Variants in PHACTR1 observed in about 807,000 individuals in gnomAD.
PHACTR1 encodes phosphatase and actin regulator 1, also known as RPEL repeat containing 1.
PHACTR1 carries 16 observed loss-of-function variants against 69.2 expected under a neutral mutation model. The observed-to-expected ratio is 0.23, with a 90% CI of 0.16 to 0.35. The LOEUF (loss-of-function observed/expected upper bound fraction) is 0.35. PHACTR1 is among the 10% of genes least tolerant of loss of function. The probability of loss-of-function intolerance (pLI) is 1.00; values close to 1 mark genes in which losing one functional copy is unlikely to be tolerated. For synonymous variants in PHACTR1, 312 were observed against 284.5 expected, an observed-to-expected ratio of 1.10 and a Z score of -0.97; for missense variants, 510 against 734.7, an observed-to-expected ratio of 0.69 and a Z score of 3.54.
At chr6:12,944,760 T>TATTG (rs1790428451) in intron 4 of PHACTR1, among the ~76,000 whole-genome samples, 2 of 120,054 alleles carry the variant, frequency 1.7e-5, no homozygotes, top group Non-Finnish European at 3.5e-5. Flanking sequence ...TTGAATTATT[T>TATTG]ATTTATTTAT....
intron 5 of PHACTR1, among the ~76,000 whole-genome samples, chr6:13,100,856 A>T (rs1815044068): frequency 6.6e-6 from 1 of 152,194 alleles, no homozygotes; most frequent in African/African-American, 2.4e-5. Flanking sequence ...TAAAGAGAAG[A>T]GGTGACCAGG....
intron 5 of PHACTR1, among the ~76,000 whole-genome samples, chr6:13,133,199 GCCTCCCCCTCCCCCTCCCCCTCCC>G (rs1221176075): frequency 3.1e-4 from 8 of 25,448 alleles, no homozygotes; most frequent in Non-Finnish European, 5.6e-4. Flanking sequence ...AATCTATTTG[GCCTCCCCCTCCCCCTCCCCCTCCC>G]CCTCCCCCTC....
At chr6:12,993,882 T>C (rs545234184) in intron 4 of PHACTR1, among the ~76,000 whole-genome samples, 9 of 152,198 alleles carry the variant, frequency 5.9e-5, no homozygotes, top group African/African-American at 2.2e-4. Flanking sequence ...TGGAAAAGCA[T>C]CCTGTTAAGT....
At chr6:13,105,889 A>C (rs958868228) in intron 5 of PHACTR1, among the ~76,000 whole-genome samples, 5 of 152,210 alleles carry the variant, frequency 3.3e-5, no homozygotes, top group Non-Finnish European at 1.5e-5. Context: ...ATAAAAGGGT[A>C]ACAGGGAGTG....
chr6:13,076,201 A>G (rs1358141982), intron 5 of PHACTR1, among the ~76,000 whole-genome samples: 3 of 152,180 alleles, frequency 2.0e-5, no homozygotes, highest in Non-Finnish European at 2.9e-5. Context: ...CACACTGAGC[A>G]CACACTAATG....
intron 7 of PHACTR1, among the ~76,000 whole-genome samples, chr6:13,195,412 G>A (rs931294267): frequency 1.3e-5 from 2 of 152,164 alleles, no homozygotes; most frequent in African/African-American, 4.8e-5. Flanking sequence ...ACAAGTAACT[G>A]CCGATACAGC....
intron 10 of PHACTR1, among the ~76,000 whole-genome samples, chr6:13,269,292 C>G (rs1777277675): frequency 6.6e-6 from 1 of 152,186 alleles, no homozygotes; most frequent in Admixed American, 6.5e-5. Context: ...AATAAACTGG[C>G]AGGTGAGAAA....
At chr6:13,171,018 T>C (rs1042741817) in intron 6 of PHACTR1, among the ~76,000 whole-genome samples, 9 of 152,172 alleles carry the variant, frequency 5.9e-5, no homozygotes, top group African/African-American at 2.2e-4. Flanking sequence ...CGTTTGGGCT[T>C]AAAGGACGTA....
intron 5 of PHACTR1, among the ~76,000 whole-genome samples, chr6:13,090,534 A>T (rs959832878): frequency 4.6e-5 from 7 of 151,276 alleles, no homozygotes; most frequent in African/African-American, 1.5e-4. Context: ...TATGTTGGTC[A>T]GACTGGTCTT....
chr6:13,134,092 C>T (rs868261734), intron 5 of PHACTR1, among the ~76,000 whole-genome samples: 1 of 151,130 alleles, frequency 6.6e-6, no homozygotes, highest in Non-Finnish European at 1.5e-5. Context: ...GGAGCCCCTC[C>T]GCCCGGCAGC....
chr6:13,049,642 G>A (rs1010593808), intron 4 of PHACTR1, among the ~76,000 whole-genome samples: 2 of 152,208 alleles, frequency 1.3e-5, no homozygotes, highest in Non-Finnish European at 2.9e-5. Context: ...TCTACCAGGA[G>A]TATTTCATTT....
intron 5 of PHACTR1, among the ~76,000 whole-genome samples, chr6:13,137,194 T>C (rs138422570): frequency 1.3e-5 from 2 of 152,366 alleles, no homozygotes; most frequent in Non-Finnish European, 2.9e-5. Context: ...CTAAGGCAGC[T>C]TGAGTTAATC....
chr6:12,812,988 G>A (rs1775194970), intron 4 of PHACTR1, among the ~76,000 whole-genome samples: 1 of 152,176 alleles, frequency 6.6e-6, no homozygotes, highest in Admixed American at 6.5e-5. Context: ...AACAGCAGAG[G>A]TGGATTTTAA....
chr6:12,954,117 G>A (rs1018682072), intron 4 of PHACTR1, among the ~76,000 whole-genome samples: 43 of 152,116 alleles, frequency 2.8e-4, no homozygotes, highest in African/African-American at 9.7e-4. Context: ...TTTCAAGGAA[G>A]AACATTCCAG....
rs572828978 is a variant in PHACTR1 at position 12,877,174 on chromosome 6, C to T, written c.250+127384C>T. 7.9e-5 allele frequency among the ~76,000 whole-genome samples: 12 copies of T among 152,260 alleles called. 1 individual carries two copies. The Middle Eastern group carries it at 0.01, about 129-fold the overall frequency. On this transcript the variant is annotated intron_variant, in intron 4 of 14. Transcript: ENST00000332995. ...ACCCTGTGGCCCAGTCAAGTTGACA[C>T]GACACATAGAATTAACCCTCATGAT...
At chr6:12,933,767 T>G (rs1394352231) in intron 4 of PHACTR1, 1 of 1,612,772 alleles carries the variant, frequency 6.2e-7, no homozygotes. Context: ...ATACACTACA[T>G]CAGCCCACAT....
intron 10 of PHACTR1, among the ~76,000 whole-genome samples, chr6:13,261,168 C>T (rs766330624): frequency 2.0e-4 from 31 of 152,188 alleles, no homozygotes; most frequent in Non-Finnish European, 3.5e-4. Context: ...GACCTCGAGC[C>T]TGGACCACCC....
intron 4 of PHACTR1, among the ~76,000 whole-genome samples, chr6:12,843,075 T>C (rs1171208002): frequency 6.6e-6 from 1 of 152,222 alleles, no homozygotes; most frequent in Non-Finnish European, 1.5e-5. Context: ...GATGTTTTGA[T>C]GGTCCAAGTA....
intron 4 of PHACTR1, among the ~76,000 whole-genome samples, chr6:13,044,517 A>G (rs554745871): frequency 6.6e-6 from 1 of 152,240 alleles, no homozygotes; most frequent in African/African-American, 2.4e-5. Context: ...GTGGAGATGC[A>G]ATGCTCTGAT....
Sources: gnomAD v4.1 joint callset for allele counts (sites outside exome capture counted in the v4.1 genomes callset) on GRCh38, gnomAD v4.1.1 for gene constraint, MANE v1.5 for transcripts, NCBI Gene and HGNC (gene_info 2026-07-23, HGNC 2026-07-21) for gene names.